KLHL1: variants seen among roughly 807,000 people sequenced by gnomAD.
KLHL1 encodes kelch like family member 1.
A neutral mutation model predicts 77.7 loss-of-function variants in KLHL1; 47 were observed. The ratio of observed to expected loss-of-function variants is 0.60; its 90% CI spans 0.48 to 0.77. The LOEUF (loss-of-function observed/expected upper bound fraction) is 0.77, where lower values mean the gene tolerates loss of function less well. Among genes scored for constraint, KLHL1 ranks in the 30% least tolerant of loss-of-function variants. The pLI, the probability that KLHL1 is intolerant of heterozygous loss-of-function variation, is 0.00. For synonymous variants in KLHL1, 360 were observed against 325.2 expected, an observed-to-expected ratio of 1.11 and a Z score of -1.15; for missense variants, 925 against 910.8, an observed-to-expected ratio of 1.02 and a Z score of -0.20.
intron 1 of KLHL1, among the ~76,000 whole-genome samples, chr13:70,059,332 T>C (rs1886821172): frequency 6.6e-6 from 1 of 152,056 alleles, no homozygotes; most frequent in Admixed American, 6.6e-5. Flanking sequence ...TAATTGTTTT[T>C]GGTTTTTTCA....
chr13:69,926,251 A>C (rs1882810040), intron 4 of KLHL1, among the ~76,000 whole-genome samples: 4 of 152,216 alleles, frequency 2.6e-5, no homozygotes, highest in Admixed American at 2.0e-4. Context: ...ACACCTAACC[A>C]GTCAGAAGTG....
intron 8 of KLHL1, among the ~76,000 whole-genome samples, chr13:69,730,259 A>G (rs1169750235): frequency 7.2e-6 from 1 of 139,046 alleles, no homozygotes; most frequent in Non-Finnish European, 1.5e-5. Context: ...TAATGTACTA[A>G]CACTTTAATG....
intron 8 of KLHL1, among the ~76,000 whole-genome samples, chr13:69,720,222 G>A (rs1164327457): frequency 6.6e-6 from 1 of 152,006 alleles, no homozygotes; most frequent in East Asian, 1.9e-4. Context: ...TTATTAATGA[G>A]AAGTATGATA....
chr13:69,852,195 T>C (rs1311589341), intron 5 of KLHL1, among the ~76,000 whole-genome samples: 6 of 151,934 alleles, frequency 3.9e-5, no homozygotes, highest in Non-Finnish European at 7.4e-5. Context: ...TCCTTAAGCA[T>C]AGCTTCCTTG....
intron 7 of KLHL1, among the ~76,000 whole-genome samples, chr13:69,795,189 C>T (rs1255124810): frequency 6.6e-6 from 1 of 152,172 alleles, no homozygotes; most frequent in Admixed American, 6.5e-5. Context: ...AAATCAAAGG[C>T]AGTCTTCTAC....
chr13:69,809,065 G>A (rs546838114), intron 6 of KLHL1, among the ~76,000 whole-genome samples: 1 of 152,200 alleles, frequency 6.6e-6, no homozygotes, highest in South Asian at 2.1e-4. Context: ...ATGGGATCAT[G>A]TAAAACAACA....
intron 1 of KLHL1, among the ~76,000 whole-genome samples, chr13:70,010,655 C>T (rs1399987084): frequency 6.6e-6 from 1 of 151,850 alleles, no homozygotes; most frequent in Non-Finnish European, 1.5e-5. Flanking sequence ...ACTTGGGAGG[C>T]CAATGTGGTT....
At chr13:69,759,796 T>C (rs1024087179) in intron 7 of KLHL1, among the ~76,000 whole-genome samples, 2 of 152,158 alleles carry the variant, frequency 1.3e-5, no homozygotes, top group Non-Finnish European at 2.9e-5. Flanking sequence ...TGCCTAAATA[T>C]TGTATCGTCA....
chr13:69,830,781 C>T lies in KLHL1; in HGVS notation c.1414+8195G>A, dbSNP rs1009065512. On this transcript the variant is annotated intron_variant, in intron 6 of 10. Coordinates refer to ENST00000377844, the MANE Select transcript of KLHL1 (RefSeq NM_020866.3). ...ACCACAGTGGAATAAAATTGGAAATCAACTCCAAAACAAACCCTCAAAATC... is the reference window on the plus strand; with the variant it reads ...ACCACAGTGGAATAAAATTGGAAATTAACTCCAAAACAAACCCTCAAAATC... Among the ~76,000 whole-genome samples the T allele has an allele frequency of 3.3e-5, 5 of 149,836 alleles. 1 individual carries two copies. The highest frequency in any genetic ancestry group is 1.3e-4 in the African/African-American group (5 of 39,906).
At position 69,961,313 on chromosome 13, in the gene KLHL1, T is replaced by C; in HGVS notation, c.812A>G (p.Tyr271Cys). ...TTATAATTATTTTGCCATACCTGTA[T>C]ATGCAAATTGGACAAGGTCCCAGAG... ...NALWDLVQFA[Y>C]TGCLELKEDT... is the part of the protein sequence containing the mutation. The change falls in exon 3 of 11, where the codon TAT (tyrosine) becomes TGT (cysteine). Residue 271 changes from tyrosine (Y) to cysteine (C), a missense_variant. By Grantham distance (194) the Tyr-to-Cys change is radical. Transcript: ENST00000377844. 1 of 1,611,288 alleles carries C rather than the reference T, an allele frequency of 6.2e-7. No homozygotes were observed. Among genetic ancestry groups the C allele is most frequent in the Non-Finnish European group, 8.5e-7 (1 of 1,178,154 alleles).
chr13:69,916,045 A>C (rs1207470895), intron 4 of KLHL1, among the ~76,000 whole-genome samples: 2 of 152,164 alleles, frequency 1.3e-5, no homozygotes, highest in East Asian at 1.9e-4. Flanking sequence ...ATGAGATACC[A>C]TCTCACACCA....
chr13:69,964,473 T>G (rs1884155213), intron 2 of KLHL1, among the ~76,000 whole-genome samples: 1 of 152,170 alleles, frequency 6.6e-6, no homozygotes, highest in African/African-American at 2.4e-5. Context: ...AAGTGGGACT[T>G]AATATTTACT....
At chr13:69,742,474 T>C (rs1268730213) in intron 7 of KLHL1, among the ~76,000 whole-genome samples, 2 of 152,192 alleles carry the variant, frequency 1.3e-5, no homozygotes, top group Non-Finnish European at 2.9e-5. Context: ...CATTCATTCA[T>C]TTAACTATTA....
At position 69,997,899 on chromosome 13, in the gene KLHL1, A is replaced by T. The variant is rs572709924; in HGVS notation, c.498-22097T>A. 7.2e-5 allele frequency among the ~76,000 whole-genome samples: 11 copies of T among 151,828 alleles called. No individual in the cohort carries two copies. In the South Asian group the frequency reaches 2.3e-3, roughly 32 times the overall value. Reference sequence around the variant, plus strand: ...TTCCATATCTTGACTGCTGAAAATAATAGTGCAATAAACATAGGAGTGCAC... The same window carrying T: ...TTCCATATCTTGACTGCTGAAAATATTAGTGCAATAAACATAGGAGTGCAC... On this transcript the variant is annotated intron_variant, in intron 1 of 10. Transcript: ENST00000377844.
At chr13:70,028,860 T>C (rs1336764706) in intron 1 of KLHL1, among the ~76,000 whole-genome samples, 1 of 151,834 alleles carries the variant, frequency 6.6e-6, no homozygotes, top group Non-Finnish European at 1.5e-5. Context: ...ACCTGTAGGC[T>C]CAACTACTTA....
At chr13:69,772,999 TC>T (rs1351065380) in intron 7 of KLHL1, among the ~76,000 whole-genome samples, 1 of 151,598 alleles carries the variant, frequency 6.6e-6, no homozygotes, top group Non-Finnish European at 1.5e-5. Flanking sequence ...TTCAGGAAGA[TC>T]CGAGTGAGAA....
chr13:69,820,298 C>T (rs533144855), intron 6 of KLHL1, among the ~76,000 whole-genome samples: 9 of 152,288 alleles, frequency 5.9e-5, no homozygotes, highest in East Asian at 5.8e-4. Context: ...GTTATCATAA[C>T]GTATTCACTG....
At chr13:70,051,799 T>A (rs1345658214) in intron 1 of KLHL1, among the ~76,000 whole-genome samples, 1 of 152,070 alleles carries the variant, frequency 6.6e-6, no homozygotes, top group Non-Finnish European at 1.5e-5. Context: ...TACCAATTTG[T>A]TCTGCTAACT....
intron 1 of KLHL1, among the ~76,000 whole-genome samples, chr13:70,041,961 T>C (rs1886388733): frequency 6.7e-6 from 1 of 149,276 alleles, no homozygotes; most frequent in Non-Finnish European, 1.5e-5. Flanking sequence ...TGCTTATTTC[T>C]TTGTTTGTTT....
Sources: gnomAD v4.1 joint callset for allele counts (sites outside exome capture counted in the v4.1 genomes callset) on GRCh38, gnomAD v4.1.1 for gene constraint, MANE v1.5 for transcripts, NCBI Gene and HGNC (gene_info 2026-07-23, HGNC 2026-07-21) for gene names.